The following EIF5 variants were observed in gnomAD, a reference collection of about 807,000 sequenced individuals.
EIF5 encodes the protein eukaryotic translation initiation factor 5.
Under a neutral mutation model 48.3 loss-of-function variants are expected in EIF5, and 10 were observed. That is an observed-to-expected ratio of 0.21 (90% CI 0.13 to 0.35). EIF5 has a LOEUF of 0.35. EIF5 is among the 10% of genes least tolerant of loss of function. The pLI, the probability that EIF5 is intolerant of heterozygous loss-of-function variation, is 1.00. For synonymous variants in EIF5, 237 were observed against 173.1 expected, an observed-to-expected ratio of 1.37 and a Z score of -2.90; for missense variants, 397 against 533.2, an observed-to-expected ratio of 0.74 and a Z score of 2.51.
Position 103,335,793 on chromosome 14 carries a change from CAGA to C in EIF5, c.-64_-62del. On this transcript the variant is annotated 5_prime_UTR_variant, in exon 3 of 12. Transcript: ENST00000216554. ...TTTATGTCATCCCTTCTTCTCCAGACAGAAGATACCAAAAAGTTGCAATCAAAG... is the reference window on the plus strand; with the variant it reads ...TTTATGTCATCCCTTCTTCTCCAGACAGATACCAAAAAGTTGCAATCAAAG... The C allele has an allele frequency of 6.5e-7, 1 of 1,540,644 alleles. No individual in the cohort carries two copies. Among genetic ancestry groups the C allele is most frequent in the Non-Finnish European group, 9.0e-7 (1 of 1,113,986 alleles).
Position 103,339,207 on chromosome 14 carries a change from CAAAG to C in EIF5, c.784_787del (p.Glu262SerfsTer10), listed in dbSNP as rs762480609. The C allele has an allele frequency of 6.8e-6, 11 of 1,610,156 alleles. No individual in the cohort carries two copies. Among genetic ancestry groups the C allele is most frequent in the Non-Finnish European group, 7.6e-6 (9 of 1,179,128 alleles). ...AAGAGGGTGTTATTGATTCATCTGA[CAAAG>C]AAATCGTTGCTGAAGCAGAAAGACT... is the stretch of plus-strand genomic sequence containing the variant. On this transcript the variant is annotated frameshift_variant, in exon 9 of 12. Transcript: ENST00000216554. LOFTEE classifies it high-confidence loss of function.
intron 10 of EIF5, 76 bp from the exon 11 acceptor site, chr14:103,340,351 C>CATT: frequency 6.6e-7 from 1 of 1,503,984 alleles, no homozygotes; most frequent in East Asian, 2.3e-5. Flanking sequence ...CCCCTCAGCT[C>CATT]AGTAAGGGGG....
chr14:103,337,745 G>C, intron 6 of EIF5: 1 of 432,608 alleles, frequency 2.3e-6, no homozygotes, highest in South Asian at 1.8e-5. Flanking sequence ...CATTATCTGA[G>C]GGTAGATGAA....
In EIF5 at chr14:103,340,415, C is replaced by G; in HGVS notation, c.1072-12C>G. 6.3e-7 allele frequency: 1 copy of G among 1,595,820 alleles called. No individual in the cohort carries two copies. Among genetic ancestry groups the G allele is most frequent in the South Asian group, 1.1e-5 (1 of 90,432 alleles). ...ATTCCTCAACTAAGAGACTTGTACT[C>G]ACATTTTTTAGGCCTCTAAGAAATA... On this transcript the variant is annotated splice_polypyrimidine_tract_variant and intron_variant, in intron 10 of 11. Coordinates refer to ENST00000216554, the MANE Select transcript of EIF5 (RefSeq NM_001969.5).
intron 6 of EIF5, 134 bp downstream of exon 6, chr14:103,337,361 T>C (rs1011959423): frequency 2.7e-6 from 2 of 734,802 alleles, no homozygotes; most frequent in East Asian, 2.9e-5. Flanking sequence ...TCCCCGCATT[T>C]TGGGAGGCCA....
chr14:103,340,878 C>G lies in EIF5; in HGVS notation c.1207-85C>G, dbSNP rs191133818. On this transcript the variant is annotated intron_variant, in intron 11 of 11. Coordinates refer to ENST00000216554, the MANE Select transcript of EIF5 (RefSeq NM_001969.5). ...AGAAATAGCTGCATCTAGGCAGTTT[C>G]CTCCTCTGTGACCACAATTTACATT... The G allele has an allele frequency of 9.2e-4, 1,258 of 1,374,148 alleles. 12 individuals carry two copies. Among genetic ancestry groups the G allele is most frequent in the Non-Finnish European group, 3.8e-4 (367 of 970,214 alleles). The allele number at this position is 1,374,148 out of a possible 1,614,324, so 85.1% of individuals were successfully genotyped here.
rs553333253 is a variant in EIF5, at chr14:103,343,249, T to A, written c.*2197T>A. 1 of 152,328 alleles carries A rather than the reference T, an allele frequency of 6.6e-6. No homozygotes were observed. The highest frequency in any genetic ancestry group is 2.1e-4 in the South Asian group (1 of 4,834). The allele number at this position is 152,328 out of a possible 1,614,324, so 9.4% of individuals were successfully genotyped here. A position where few individuals can be genotyped will look rare whatever the true frequency, so the allele number is the denominator to read the frequency against. ...TCAAAGCATTGGAATCTGCCCTGTT[T>A]TGTAGCCGTTGCTTTGGATTTGTGT... On this transcript the variant is annotated 3_prime_UTR_variant, in exon 12 of 12. Transcript: ENST00000216554.
chr14:103,340,606 G>T, intron 11 of EIF5, 45 bp downstream of exon 11: 1 of 1,572,232 alleles, frequency 6.4e-7, no homozygotes, highest in South Asian at 1.2e-5. Context: ...GCTGGCATGG[G>T]TGTTTGAGAT....
rs768335016 is a variant in EIF5, at chr14:103,339,758, T to C, written c.1026T>C (p.Asp342=). The C allele has an allele frequency of 8.7e-6, 14 of 1,614,092 alleles. No individual in the cohort carries two copies. Among genetic ancestry groups the C allele is most frequent in the Middle Eastern group, 3.3e-4 (2 of 6,084 alleles). Reference sequence around the variant, plus strand: ...CACATATCTTGAAGGAGATGTACGATGCAGACCTTTTAGAAGAAGAGGTCA... The same window carrying C: ...CACATATCTTGAAGGAGATGTACGACGCAGACCTTTTAGAAGAAGAGGTCA... The part of the protein sequence containing the change: ...KIPHILKEMY[D]ADLLEEEVII... The change falls in exon 10 of 12, where the codon GAT becomes GAC. Residue 342 remains aspartate, a synonymous_variant. Transcript: ENST00000216554.
In EIF5 at chr14:103,340,745, C is replaced by T. The variant is rs550308467; in HGVS notation, c.1206+184C>T. 2.6e-5 allele frequency among the ~76,000 whole-genome samples: 4 copies of T among 152,152 alleles called. No homozygotes were observed. In the East Asian group the frequency reaches 5.8e-4, roughly 22 times the overall value. On this transcript the variant is annotated intron_variant, in intron 11 of 11. Coordinates refer to ENST00000216554, the MANE Select transcript of EIF5 (RefSeq NM_001969.5). ...TAGAAAGGGTGATGGAAACTGTGTT[C>T]CTACTCCTACACATTATAGTCTATA...
chr14:103,336,411 A>T lies in EIF5; in HGVS notation c.155-266A>T, dbSNP rs1306899083. ...GCCTAGCCAACATAGTGAAATCCTGAGTCTACTACTAATACAAAAATTAGC... is the reference window on the plus strand; with the variant it reads ...GCCTAGCCAACATAGTGAAATCCTGTGTCTACTACTAATACAAAAATTAGC... On this transcript the variant is annotated intron_variant, in intron 4 of 11. Transcript: ENST00000216554. 3.3e-5 allele frequency: 18 copies of T among 551,772 alleles called. No homozygotes were observed. The East Asian group carries it at 5.6e-4, about 17-fold the overall frequency. 34.2% of individuals were successfully genotyped at this position (551,772 alleles called of 1,614,324 possible).
Position 103,336,875 on chromosome 14 carries a change from G to A in EIF5, c.327+26G>A, listed in dbSNP as rs775510641. 1.9e-6 allele frequency: 3 copies of A among 1,597,972 alleles called. No individual in the cohort carries two copies. The African/African-American group carries it at 4.0e-5, about 22-fold the overall frequency. On this transcript the variant is annotated intron_variant, in intron 5 of 11. Coordinates refer to ENST00000216554, the MANE Select transcript of EIF5 (RefSeq NM_001969.5). The stretch of plus-strand genomic sequence containing the variant: ...GTAAGTGCTTTTGTGGTTGTCGAAA[G>A]AAAAAGCCATATACCTGCTTCTGTG...
intron 9 of EIF5, 38 bp from the exon 10 acceptor site, chr14:103,339,601 A>G (rs757880965): frequency 6.2e-6 from 10 of 1,609,666 alleles, no homozygotes; most frequent in South Asian, 3.3e-5. Flanking sequence ...CTTAGAACAC[A>G]TAAAAAAGAT....
At chr14:103,339,861 T>C (rs538146557) in intron 10 of EIF5, 58 bp downstream of exon 10, 2 of 1,554,168 alleles carry the variant, frequency 1.3e-6, no homozygotes, top group Non-Finnish European at 1.7e-6. Context: ...TTTTTTTGTT[T>C]GGTTGATTGT....
rs1038334629 is a variant in EIF5 at position 103,339,317 on chromosome 14, G to A, written c.890G>A (p.Arg297Lys). ...ATTAGAGAACAGATTAAGAAATACAGGCGCCATTTCCTACGAGTAAGCAAA... is the reference window on the plus strand; with the variant it reads ...ATTAGAGAACAGATTAAGAAATACAAGCGCCATTTCCTACGAGTAAGCAAA... ...EKIREQIKKYRRHFLRFCHNN... is the reference protein window; with the variant it reads ...EKIREQIKKYKRHFLRFCHNN... Residue 297 changes from arginine to lysine, a missense_variant, in exon 9 of 12, where the codon AGG becomes AAG. Around this residue, in one of 4 missense-constraint regions of EIF5, gnomAD observed 160 missense variants for 184.8 expected, o/e 0.87. Coordinates refer to ENST00000216554, the MANE Select transcript of EIF5 (RefSeq NM_001969.5). 5.6e-5 allele frequency: 89 copies of A among 1,594,106 alleles called. No homozygotes were observed. The highest frequency in any genetic ancestry group is 7.4e-5 in the Non-Finnish European group (87 of 1,175,070).
intron 11 of EIF5, 126 bp downstream of exon 11, chr14:103,340,687 T>A: frequency 2.4e-6 from 3 of 1,256,742 alleles, no homozygotes; most frequent in Non-Finnish European, 2.2e-6. Flanking sequence ...TAAGATGCAG[T>A]AAAATACAGC....
chr14:103,340,570 T>C lies in EIF5; in HGVS notation c.1206+9T>C, dbSNP rs770094129. 2 of 1,606,768 alleles carry C rather than the reference T, an allele frequency of 1.2e-6. No homozygotes were observed. Among genetic ancestry groups the C allele is most frequent in the Non-Finnish European group, 1.7e-6 (2 of 1,173,962 alleles). On this transcript the variant is annotated intron_variant, in intron 11 of 11. Transcript: ENST00000216554. ...AAGATGAGAACATTGAGGTAAACAT[T>C]GGGGGAGGAGGGTATTGGATACAGT...
chr14:103,340,700 C>G, intron 11 of EIF5, 139 bp downstream of exon 11: 1 of 1,182,092 alleles, frequency 8.5e-7, no homozygotes, highest in Non-Finnish European at 1.2e-6. Flanking sequence ...AATACAGCCT[C>G]TCAATAATTT....
In EIF5 at chr14:103,336,368, G is replaced by T. The variant is rs540442401; in HGVS notation, c.154+251G>T. 213 of 580,970 alleles carry T rather than the reference G, an allele frequency of 3.7e-4. 4 individuals carry two copies. The South Asian group carries it at 4.2e-3, about 12-fold the overall frequency. The allele number at this position is 580,970 out of a possible 1,614,324, so 36.0% of individuals were successfully genotyped here. On this transcript the variant is annotated intron_variant, in intron 4 of 11. Transcript: ENST00000216554. ...AAGGCTGAGGCAAGCGGATCGCGAG[G>T]TCAGGAGTTCTAGACCAGCCTAGCC... is the stretch of plus-strand genomic sequence containing the variant.
Sources: gnomAD v4.1 joint callset for allele counts (sites outside exome capture counted in the v4.1 genomes callset) on GRCh38, gnomAD v4.1.1 for gene constraint, gnomAD v4.1.1 regional missense constraint, MANE v1.5 for transcripts, NCBI Gene and HGNC (gene_info 2026-07-23, HGNC 2026-07-21) for gene names.